EXOC4: variants seen among roughly 807,000 people sequenced by gnomAD.
The protein encoded by EXOC4 is exocyst complex component 4.
EXOC4 carries 71 observed loss-of-function variants against 107.2 expected under a neutral mutation model. The observed-to-expected ratio is 0.66, with a 90% CI of 0.55 to 0.81. The LOEUF (loss-of-function observed/expected upper bound fraction) is 0.81. EXOC4 is among the 30% of genes least tolerant of loss of function. The pLI is 0.00. For missense variants in EXOC4, 1,108 were observed against 1,189.6 expected (o/e 0.93, Z 1.01); for synonymous variants, 456 against 441.2 (o/e 1.03, Z -0.42).
In EXOC4 at chr7:133,952,288, A is replaced by G. The variant is rs1800711072; in HGVS notation, c.2206+14219A>G. On this transcript the variant is annotated intron_variant, in intron 14 of 17. Transcript: ENST00000253861. ...ACTCAGACCTTTTAACATCAAGGGA[A>G]TGATTCTGTCTGTATTGAAGTGGGC... Among the ~76,000 whole-genome samples the G allele has an allele frequency of 2.0e-5, 3 of 152,226 alleles. No homozygotes were observed. In the South Asian group the frequency reaches 6.2e-4, roughly 32 times the overall value.
chr7:133,998,718 G>C (rs1794456081), intron 15 of EXOC4, among the ~76,000 whole-genome samples: 1 of 152,132 alleles, frequency 6.6e-6, no homozygotes, highest in South Asian at 2.1e-4. Context: ...AGAGTTTTAA[G>C]AAAGGGAGAG....
At chr7:133,719,319 G>A (rs1795059100) in intron 10 of EXOC4, among the ~76,000 whole-genome samples, 1 of 151,990 alleles carries the variant, frequency 6.6e-6, no homozygotes, top group Admixed American at 6.6e-5. Flanking sequence ...GCCCAGTCTT[G>A]GTTATGTCTT....
chr7:133,389,925 A>G (rs1796814974), intron 7 of EXOC4, among the ~76,000 whole-genome samples: 1 of 149,144 alleles, frequency 6.7e-6, no homozygotes, highest in Non-Finnish European at 1.5e-5. Flanking sequence ...ATGTGCAGGG[A>G]AATTCCCATT....
At chr7:133,717,642 G>A (rs1795025309) in intron 10 of EXOC4, among the ~76,000 whole-genome samples, 1 of 152,176 alleles carries the variant, frequency 6.6e-6, no homozygotes, top group African/African-American at 2.4e-5. Context: ...ATGAGTAGAT[G>A]AAGTGTGGTC....
At chr7:133,723,479 T>C (rs1795149282) in intron 10 of EXOC4, among the ~76,000 whole-genome samples, 1 of 54,936 alleles carries the variant, frequency 1.8e-5, no homozygotes, top group Non-Finnish European at 3.5e-5. Context: ...CATCTTTTTT[T>C]TTCTTTCTTT....
chr7:133,938,170 T>G, intron 14 of EXOC4, 101 bp downstream of exon 14: 1 of 1,108,304 alleles, frequency 9.0e-7, no homozygotes, highest in Non-Finnish European at 1.3e-6. Context: ...TATGGGGGCG[T>G]GTCCCAAGCT....
At chr7:133,280,890 G>T (rs915064662) in intron 2 of EXOC4, among the ~76,000 whole-genome samples, 1 of 152,146 alleles carries the variant, frequency 6.6e-6, no homozygotes, top group African/African-American at 2.4e-5. Context: ...AGGGAAGAAG[G>T]CCTTTGGTTT....
At chr7:133,914,719 AAC>A (rs1233993940) in intron 12 of EXOC4, among the ~76,000 whole-genome samples, 1 of 152,242 alleles carries the variant, frequency 6.6e-6, no homozygotes, top group Non-Finnish European at 1.5e-5. Context: ...CAGACTACGT[AAC>A]AGTGATATCT....
chr7:133,577,621 C>T (rs1346896354), intron 9 of EXOC4, among the ~76,000 whole-genome samples: 3 of 152,144 alleles, frequency 2.0e-5, no homozygotes, highest in Non-Finnish European at 4.4e-5. Flanking sequence ...AATGTTGCCT[C>T]CTATCACATT....
chr7:133,323,695 G>T (rs979588534), intron 5 of EXOC4, among the ~76,000 whole-genome samples: 5 of 152,152 alleles, frequency 3.3e-5, no homozygotes, highest in Non-Finnish European at 5.9e-5. Context: ...CCTCTGTCAG[G>T]CTTTGGTATC....
At chr7:133,884,342 C>T (rs1168089939) in intron 11 of EXOC4, among the ~76,000 whole-genome samples, 2 of 152,168 alleles carry the variant, frequency 1.3e-5, no homozygotes, top group Non-Finnish European at 1.5e-5. Context: ...CTCGCACCAA[C>T]GACCTCCACC....
intron 10 of EXOC4, among the ~76,000 whole-genome samples, chr7:133,781,676 A>G (rs1833331): frequency 0.99 from 150,295 of 152,322 alleles, 74,190 homozygotes; most frequent in Middle Eastern, 1. Flanking sequence ...ATATGTCCCC[A>G]GAGAGTCTGC....
At chr7:133,283,307 TC>T (rs1435174461) in intron 2 of EXOC4, among the ~76,000 whole-genome samples, 8 of 152,154 alleles carry the variant, frequency 5.3e-5, no homozygotes, top group Non-Finnish European at 1.2e-4. Flanking sequence ...ACCCCTGGGC[TC>T]AAGTGATCTA....
chr7:133,507,070 T>G (rs921629496), intron 9 of EXOC4, among the ~76,000 whole-genome samples: 9 of 152,264 alleles, frequency 5.9e-5, no homozygotes, highest in Non-Finnish European at 1.2e-4. Context: ...TAGAGTAGTA[T>G]TTTTTGATAC....
At chr7:133,656,776 T>C (rs1218246792) in intron 10 of EXOC4, among the ~76,000 whole-genome samples, 3 of 152,198 alleles carry the variant, frequency 2.0e-5, no homozygotes, top group Non-Finnish European at 4.4e-5. Context: ...TAACATAAAT[T>C]TGAATGTTGT....
chr7:133,805,309 C>T (rs1192044738), intron 10 of EXOC4, among the ~76,000 whole-genome samples: 3 of 151,822 alleles, frequency 2.0e-5, no homozygotes, highest in African/African-American at 7.3e-5. Context: ...TTAGAAAATG[C>T]AAGGGAACAG....
chr7:133,983,997 T>A (rs1794055735), intron 14 of EXOC4, among the ~76,000 whole-genome samples: 1 of 152,126 alleles, frequency 6.6e-6, no homozygotes, highest in Admixed American at 6.6e-5. Context: ...TTATTTGGAA[T>A]AAAGGAAAAA....
chr7:133,795,674 G>T (rs1796798735), intron 10 of EXOC4, among the ~76,000 whole-genome samples: 1 of 152,130 alleles, frequency 6.6e-6, no homozygotes, highest in Non-Finnish European at 1.5e-5. Context: ...TCTAACCCAT[G>T]AAAAAGATAA....
chr7:133,536,554 T>C (rs1563100266), intron 9 of EXOC4, among the ~76,000 whole-genome samples: 1 of 151,808 alleles, frequency 6.6e-6, no homozygotes, highest in Non-Finnish European at 1.5e-5. Context: ...TGTTCTTGTT[T>C]CTTTCTTTCT....
Sources: allele counts gnomAD v4.1 joint callset (sites outside exome capture counted in the v4.1 genomes callset), GRCh38; gene constraint gnomAD v4.1.1; transcripts MANE v1.5; gene names NCBI Gene and HGNC (gene_info 2026-07-23, HGNC 2026-07-21).